Variants in LIFR observed in about 807,000 individuals in gnomAD.
LIFR encodes the protein LIF receptor subunit alpha.
Under a neutral mutation model 122.2 loss-of-function variants are expected in LIFR, and 84 were observed. That is an observed-to-expected ratio of 0.69 (90% CI 0.58 to 0.82). The LOEUF (loss-of-function observed/expected upper bound fraction) is 0.82. LIFR is among the 40% of genes least tolerant of loss of function. The pLI is 0.00. For synonymous variants in LIFR, 422 were observed against 434.7 expected, an observed-to-expected ratio of 0.97 and a Z score of 0.36; for missense variants, 1,294 against 1,311.6, an observed-to-expected ratio of 0.99 and a Z score of 0.21.
At chr5:38,510,226 A>C (rs1230776006) in intron 7 of LIFR, among the ~76,000 whole-genome samples, 1 of 152,238 alleles carries the variant, frequency 6.6e-6, no homozygotes, top group Non-Finnish European at 1.5e-5. Flanking sequence ...AGATGTTTCA[A>C]ATCTGATTAC....
intron 1 of LIFR, among the ~76,000 whole-genome samples, chr5:38,538,286 A>G (rs1242901575): frequency 6.6e-6 from 1 of 152,174 alleles, no homozygotes; most frequent in African/African-American, 2.4e-5. Context: ...GAACAGTATT[A>G]TCTGTGCTTG....
chr5:38,583,311 A>C (rs1049088533), intron 1 of LIFR, among the ~76,000 whole-genome samples: 6 of 152,238 alleles, frequency 3.9e-5, no homozygotes, highest in African/African-American at 9.6e-5. Flanking sequence ...GCTTTATGTT[A>C]AGTAATGTAG....
In LIFR at chr5:38,580,721, G is replaced by A. The variant is rs113703075; in HGVS notation, c.-20+14540C>T. Reference sequence around the variant, plus strand: ...CCTAAACCTGCTCTTTTTTTCCCTCGTTCCAATTCATTGCTTCAGCACCAA... The same window carrying A: ...CCTAAACCTGCTCTTTTTTTCCCTCATTCCAATTCATTGCTTCAGCACCAA... On this transcript the variant is annotated intron_variant, in intron 1 of 19. Coordinates refer to the LIFR transcript ENST00000263409. Among the ~76,000 whole-genome samples the A allele has an allele frequency of 1.0e-2, 1,513 of 151,606 alleles. 23 individuals carry two copies. The highest frequency in any genetic ancestry group is 0.034 in the African/African-American group (1,385 of 41,326).
At chr5:38,519,337 A>G (rs953075061) in intron 5 of LIFR, among the ~76,000 whole-genome samples, 7 of 152,174 alleles carry the variant, frequency 4.6e-5, no homozygotes, top group South Asian at 2.1e-4. Context: ...CTCTTTAAAC[A>G]TTTTATTGAT....
intron 1 of LIFR, among the ~76,000 whole-genome samples, chr5:38,579,825 C>T (rs1448765211): frequency 6.6e-6 from 1 of 152,150 alleles, no homozygotes; most frequent in Non-Finnish European, 1.5e-5. Flanking sequence ...TGATATTCTA[C>T]TAGGTCATCC....
intron 1 of LIFR, among the ~76,000 whole-genome samples, chr5:38,570,101 A>G (rs920217232): frequency 6.6e-6 from 1 of 151,948 alleles, no homozygotes; most frequent in African/African-American, 2.4e-5. Flanking sequence ...TAATAGGTCC[A>G]TAACAGTTAG....
chr5:38,547,169 C>T (rs1023335659), intron 1 of LIFR, among the ~76,000 whole-genome samples: 6 of 152,146 alleles, frequency 3.9e-5, no homozygotes, highest in African/African-American at 1.2e-4. Context: ...TAATATGTAT[C>T]TATATGTACA....
chr5:38,553,909 T>G (rs1300218533), intron 1 of LIFR, among the ~76,000 whole-genome samples: 1 of 151,748 alleles, frequency 6.6e-6, no homozygotes, highest in Non-Finnish European at 1.5e-5. Context: ...AAGTATGTTT[T>G]AAAAGCATCC....
upstream of LIFR, among the ~76,000 whole-genome samples, chr5:38,596,642 G>T (rs888865192): frequency 6.6e-6 from 1 of 152,110 alleles, no homozygotes; most frequent in African/African-American, 2.4e-5. Flanking sequence ...AATTCAGCTA[G>T]CTTCTACCAT....
chr5:38,606,210 C>G (rs1361091589), exon 2 of LIFR: 3 of 152,180 alleles, frequency 2.0e-5, no homozygotes, highest in African/African-American at 4.8e-5. Flanking sequence ...CTCACCATAG[C>G]TCTGCAGGCT....
At chr5:38,492,902 C>T (rs913896062) in intron 14 of LIFR, among the ~76,000 whole-genome samples, 5 of 152,194 alleles carry the variant, frequency 3.3e-5, no homozygotes, top group African/African-American at 4.8e-5. Context: ...AGAGAGGGCT[C>T]TAATTCCTAA....
At chr5:38,502,980 T>C (rs1484137209) in intron 10 of LIFR, among the ~76,000 whole-genome samples, 181 bp from the exon 11 acceptor site, 1 of 152,156 alleles carries the variant, frequency 6.6e-6, no homozygotes, top group Non-Finnish European at 1.5e-5. Context: ...CACTGTAATA[T>C]TTTAATTCTT....
At chr5:38,504,415 C>CAAAAAAAAAAAAAAAAAAA (rs71604899) in intron 9 of LIFR, among the ~76,000 whole-genome samples, 26 of 120,194 alleles carry the variant, frequency 2.2e-4, no homozygotes, top group Admixed American at 4.5e-4. Context: ...AGGGAATGAC[C>CAAAAAAAAAAAAAAAAAAA]AAAAAAAAAA....
chr5:38,573,098 A>G (rs1386504910), intron 1 of LIFR, among the ~76,000 whole-genome samples: 1 of 152,274 alleles, frequency 6.6e-6, no homozygotes, highest in Non-Finnish European at 1.5e-5. Flanking sequence ...AAGTCACACT[A>G]ATCAGCTCAC....
intron 1 of LIFR, among the ~76,000 whole-genome samples, chr5:38,572,306 T>C (rs1395518163): frequency 6.6e-6 from 1 of 151,988 alleles, no homozygotes. Flanking sequence ...ACAAGATATA[T>C]AGAGTGAGGG....
intron 5 of LIFR, among the ~76,000 whole-genome samples, chr5:38,516,443 G>C (rs1453978617): frequency 6.6e-6 from 1 of 152,058 alleles, no homozygotes; most frequent in Non-Finnish European, 1.5e-5. Flanking sequence ...ACATTTATGT[G>C]GCCAAGAACA....
chr5:38,579,277 G>C (rs1262030577), intron 1 of LIFR: 1 of 152,072 alleles, frequency 6.6e-6, no homozygotes, highest in African/African-American at 2.4e-5. Context: ...CTTACCCACA[G>C]CCATGTTACA....
upstream of LIFR, chr5:38,557,343 T>C (rs930004536): frequency 3.3e-5 from 5 of 153,072 alleles, no homozygotes; most frequent in African/African-American, 1.2e-4. Context: ...TGTTCCCATT[T>C]CCGCAGTTTC....
intron 9 of LIFR, among the ~76,000 whole-genome samples, chr5:38,504,415 C>CAAAAAAAAAAAAAAAAAAAAAAAAAAA (rs71604899): frequency 2.2e-4 from 26 of 120,338 alleles, no homozygotes; most frequent in Non-Finnish European, 3.4e-4. Flanking sequence ...AGGGAATGAC[C>CAAAAAAAAAAAAAAAAAAAAAAAAAAA]AAAAAAAAAA....
Sources: gnomAD v4.1 joint callset for allele counts (sites outside exome capture counted in the v4.1 genomes callset) on GRCh38, gnomAD v4.1.1 for gene constraint, MANE v1.5 for transcripts, NCBI Gene and HGNC (gene_info 2026-07-23, HGNC 2026-07-21) for gene names.